METTL6: variants seen among roughly 807,000 people sequenced by gnomAD.
METTL6 encodes the protein tRNA N(3)-cytidine methyltransferase METTL6.
METTL6 carries 22 observed loss-of-function variants against 26.4 expected under a neutral mutation model. That is an observed-to-expected ratio of 0.83 (90% CI 0.59 to 1.19). The LOEUF is 1.19. Ranked by LOEUF, METTL6 falls within the 50% of genes most tolerant of loss-of-function variation. The probability of loss-of-function intolerance (pLI) is 0.00; values close to 1 mark genes in which losing one functional copy is unlikely to be tolerated. For missense variants in METTL6, 304 were observed against 324.8 expected (o/e 0.94, Z 0.49); for synonymous variants, 109 against 116.2 (o/e 0.94, Z 0.40).
At chr3:15,383,662 C>T (rs965115520) in exon 7 of METTL6, 1 of 152,192 alleles carries the variant, frequency 6.6e-6, no homozygotes, top group Non-Finnish European at 1.5e-5. Context: ...ACTATCAAAA[C>T]ATCATATTTA....
At position 15,422,142 on chromosome 3, in the gene METTL6, G is replaced by A. The variant is rs145824398; in HGVS notation, c.360+2813C>T. ...GGAGTTTGAGAACAGCCTAGGCAACGTAGTGAGACCCGTCTCTACAAAAAA... is the reference window on the plus strand; with the variant it reads ...GGAGTTTGAGAACAGCCTAGGCAACATAGTGAGACCCGTCTCTACAAAAAA... On this transcript the variant is annotated intron_variant, in intron 3 of 5. Transcript: ENST00000383790. Among the ~76,000 whole-genome samples, 792 of 151,426 alleles carry A rather than the reference G, an allele frequency of 5.2e-3. 6 individuals are homozygous for A. The highest frequency in any genetic ancestry group is 0.019 in the African/African-American group (759 of 40,998).
chr3:15,406,627 TATAGAG>T (rs1165222847), downstream of METTL6, among the ~76,000 whole-genome samples: 3 of 31,044 alleles, frequency 9.7e-5, no homozygotes, highest in African/African-American at 1.6e-4. Flanking sequence ...TATATATATA[TATAGAG>T]AGAGAGAGAG....
chr3:15,381,879 A>C (rs1003992419), exon 7 of METTL6: 8 of 151,150 alleles, frequency 5.3e-5, no homozygotes, highest in Non-Finnish European at 1.0e-4. Flanking sequence ...CAATCCTACA[A>C]ATTGAGTTAC....
intron 3 of METTL6, among the ~76,000 whole-genome samples, chr3:15,420,196 A>C (rs367908227): frequency 1.3e-5 from 2 of 152,192 alleles, no homozygotes; most frequent in Admixed American, 6.5e-5. Context: ...ATTCCATGGA[A>C]TATTATAACA....
intron 6 of METTL6, among the ~76,000 whole-genome samples, chr3:15,388,980 C>G (rs1348299420): frequency 1.3e-5 from 2 of 152,016 alleles, no homozygotes; most frequent in African/African-American, 4.8e-5. Context: ...CTGCCTCAGC[C>G]TCCTAAGTAG....
chr3:15,384,050 T>C (rs1699130149), exon 7 of METTL6: 1 of 356,578 alleles, frequency 2.8e-6, no homozygotes, highest in Non-Finnish European at 5.3e-6. Flanking sequence ...GATAAAGGGT[T>C]ACCAGGCAAA....
intron 1 of METTL6, 67 bp downstream of exon 1, chr3:15,427,335 C>T (rs993428803): frequency 9.9e-6 from 2 of 201,824 alleles, no homozygotes; most frequent in Non-Finnish European, 1.0e-5. Flanking sequence ...ATTTAGTCAG[C>T]CACGCTCAGG....
chr3:15,396,848 T>G (rs776706063), intron 6 of METTL6, among the ~76,000 whole-genome samples: 67 of 151,960 alleles, frequency 4.4e-4, no homozygotes, highest in Non-Finnish European at 8.7e-4. Context: ...CCTCTGGGAG[T>G]TTTGTCTCAG....
intron 3 of METTL6, among the ~76,000 whole-genome samples, chr3:15,418,078 A>G (rs1025886866): frequency 9.9e-5 from 15 of 152,228 alleles, no homozygotes; most frequent in Admixed American, 3.3e-4. Context: ...CAACAGCCCA[A>G]TTCCTGACTA....
At chr3:15,384,365 G>T (rs920806736) in intron 6 of METTL6, 10 of 182,658 alleles carry the variant, frequency 5.5e-5, no homozygotes, top group Non-Finnish European at 1.2e-4. Context: ...TCTGAGAAAA[G>T]CTCCTAATAA....
chr3:15,403,446 T>C (rs939534645), intron 6 of METTL6, among the ~76,000 whole-genome samples: 1 of 152,232 alleles, frequency 6.6e-6, no homozygotes, highest in Non-Finnish European at 1.5e-5. Context: ...CTCATCTCCG[T>C]GGCCATGCCC....
exon 7 of METTL6, chr3:15,383,155 T>G (rs974432104): frequency 6.6e-6 from 1 of 152,208 alleles, no homozygotes; most frequent in Non-Finnish European, 1.5e-5. Flanking sequence ...TATTTTGAAT[T>G]AAATGTCCTT....
chr3:15,414,818 A>T (rs1345496426), intron 4 of METTL6: 1 of 472,480 alleles, frequency 2.1e-6, no homozygotes, highest in Non-Finnish European at 4.1e-6. Flanking sequence ...ACTACTTCAG[A>T]GGCTGAGGTG....
At position 15,427,457 on chromosome 3, in the gene METTL6, A is replaced by G; in HGVS notation, c.-180T>C. ...CAGAATACGGGAAGAACCGCGAAAC[A>G]ACCCTAAACCAATTCTGAGGACCAC... is the stretch of plus-strand genomic sequence containing the variant. On this transcript the variant is annotated 5_prime_UTR_variant, in exon 1 of 6. Coordinates refer to ENST00000383790, the MANE Select transcript of METTL6 (RefSeq NM_152396.4). 2.8e-6 allele frequency: 1 copy of G among 363,138 alleles called. No homozygotes were observed. Among genetic ancestry groups the G allele is most frequent in the Non-Finnish European group, 5.1e-6 (1 of 195,150 alleles). The allele number at this position is 363,138 out of a possible 1,614,324, so 22.5% of individuals were successfully genotyped here.
chr3:15,405,159 C>T (rs77103449), downstream of METTL6, among the ~76,000 whole-genome samples: 9 of 152,268 alleles, frequency 5.9e-5, no homozygotes, highest in East Asian at 1.7e-3. Context: ...GGGGTATTTA[C>T]TCACAGGAAA....
At chr3:15,398,756 G>A (rs984434400) in intron 6 of METTL6, among the ~76,000 whole-genome samples, 3 of 152,154 alleles carry the variant, frequency 2.0e-5, no homozygotes, top group Admixed American at 1.3e-4. Context: ...AGGCTGAGGT[G>A]GGAGGATCAT....
intron 6 of METTL6, chr3:15,384,219 A>C (rs1699134465): frequency 5.8e-6 from 2 of 347,156 alleles, no homozygotes; most frequent in Non-Finnish European, 1.1e-5. Context: ...GATAAAAGAA[A>C]ACAAAATAAG....
chr3:15,395,537 T>C (rs902057561), intron 6 of METTL6, among the ~76,000 whole-genome samples: 1 of 152,190 alleles, frequency 6.6e-6, no homozygotes, highest in Non-Finnish European at 1.5e-5. Context: ...TTTGATCCTG[T>C]CATTATGATG....
downstream of METTL6, among the ~76,000 whole-genome samples, chr3:15,404,919 A>G (rs1157471249): frequency 1.3e-5 from 2 of 152,192 alleles, no homozygotes; most frequent in African/African-American, 4.8e-5. Flanking sequence ...CTGCTCCCCA[A>G]TAGAGAACAT....
Sources: gnomAD v4.1 joint callset for allele counts (sites outside exome capture counted in the v4.1 genomes callset) on GRCh38, gnomAD v4.1.1 for gene constraint, MANE v1.5 for transcripts, NCBI Gene and HGNC (gene_info 2026-07-23, HGNC 2026-07-21) for gene names.